The following LHX4 variants were observed in gnomAD, a reference collection of about 807,000 sequenced individuals.
LHX4 encodes the protein LIM homeobox 4, also known as LIM/homeobox protein Lhx4.
LHX4 carries 16 observed loss-of-function variants against 39.2 expected under a neutral mutation model. The ratio of observed to expected loss-of-function variants is 0.41; its 90% CI spans 0.28 to 0.62. The LOEUF (loss-of-function observed/expected upper bound fraction) is 0.62. Among genes scored for constraint, LHX4 ranks in the 20% least tolerant of loss-of-function variants. The pLI, the probability that LHX4 is intolerant of heterozygous loss-of-function variation, is 0.33. For synonymous variants in LHX4, 206 were observed against 198.1 expected (o/e 1.04, Z -0.33); for missense variants, 439 against 511.9 (o/e 0.86, Z 1.37).
At position 180,266,874 on chromosome 1, in the gene LHX4, G is replaced by C. The variant is rs1161207943; in HGVS notation, c.451+280G>C. Among the ~76,000 whole-genome samples, 1 of 152,240 alleles carries C rather than the reference G, an allele frequency of 6.6e-6. No individual in the cohort carries two copies. Among genetic ancestry groups the C allele is most frequent in the Non-Finnish European group, 1.5e-5 (1 of 68,044 alleles). The stretch of plus-strand genomic sequence containing the variant: ...TAGGCTCAGAAGCAGCCAAGAACCT[G>C]GTTGTTACCATGGTGGTGGCCTCCT... On this transcript the variant is annotated intron_variant, in intron 3 of 5. Coordinates refer to ENST00000263726, the MANE Select transcript of LHX4 (RefSeq NM_033343.4). The surrounding 1 kb of genome is among the most constrained non-coding windows in gnomAD (Gnocchi z 5.7).
intron 1 of LHX4, among the ~76,000 whole-genome samples, chr1:180,239,174 T>C (rs1256228653): frequency 2.6e-5 from 4 of 152,260 alleles, no homozygotes; most frequent in Admixed American, 2.6e-4. Context: ...GCTTGGTATA[T>C]CCTGTAGCTT....
chr1:180,273,277 C>G (rs1003024062), intron 5 of LHX4: 2 of 152,424 alleles, frequency 1.3e-5, no homozygotes, highest in East Asian at 3.9e-4. Context: ...TAGAGGGCAG[C>G]CTCCTCTGAG....
intron 2 of LHX4, among the ~76,000 whole-genome samples, chr1:180,250,656 G>T (rs922290564): frequency 2.6e-5 from 4 of 152,184 alleles, no homozygotes; most frequent in African/African-American, 9.6e-5. Context: ...GCCTGGCAGG[G>T]CCACTGACCC....
At chr1:180,229,959 C>CGGAGGCGGGG (rs1238306398), upstream of LHX4, among the ~76,000 whole-genome samples, 5,198 of 22,476 alleles carry the variant, frequency 0.23, 1,012 homozygotes, top group African/African-American at 0.4. Flanking sequence ...GAGGCGGAGG[C>CGGAGGCGGGG]GGGGAGGGGG....
Position 180,266,294 on chromosome 1 carries a change from C to T in LHX4, c.249-98C>T, listed in dbSNP as rs1423274091. The stretch of plus-strand genomic sequence containing the variant: ...CTGGGGGGTGAGGCTCATGGAGTCC[C>T]GGAGTGGTGGGGTAGGAGGGAGGCT... On this transcript the variant is annotated intron_variant, in intron 2 of 5. Transcript: ENST00000263726. This position sits in a 1 kb window ranked among gnomAD's most constrained non-coding sequence, Gnocchi z 5.7. The T allele has an allele frequency of 2.4e-5, 28 of 1,174,948 alleles. No homozygotes were observed. The highest frequency in any genetic ancestry group is 6.2e-5 in the South Asian group (5 of 81,200). The allele number at this position is 1,174,948 out of a possible 1,614,324, so 72.8% of individuals were successfully genotyped here. A position where few individuals can be genotyped will look rare whatever the true frequency, so the allele number is the denominator to read the frequency against.
At chr1:180,255,082 G>A (rs1647788573) in intron 2 of LHX4, among the ~76,000 whole-genome samples, 1 of 152,230 alleles carries the variant, frequency 6.6e-6, no homozygotes, top group Non-Finnish European at 1.5e-5. Flanking sequence ...AGAGCTGTGG[G>A]CAGGAACCGC....
intron 2 of LHX4, among the ~76,000 whole-genome samples, chr1:180,256,864 G>A (rs1463496669): frequency 6.6e-6 from 1 of 152,234 alleles, no homozygotes; most frequent in African/African-American, 2.4e-5. Context: ...GTAAGGGAGA[G>A]GAGGGAGGGT....
intron 1 of LHX4, among the ~76,000 whole-genome samples, chr1:180,239,148 A>G (rs1664393337): frequency 6.6e-6 from 1 of 152,270 alleles, no homozygotes; most frequent in African/African-American, 2.4e-5. Flanking sequence ...GTATGTGTTT[A>G]GGCAGGTGTG....
chr1:180,274,053 C>T, intron 5 of LHX4, 132 bp from the exon 6 acceptor site: 1 of 1,131,018 alleles, frequency 8.8e-7, no homozygotes, highest in Admixed American at 1.8e-5. Context: ...GTGTGTCTGA[C>T]CCATGCTTGG....
At chr1:180,248,513 G>A in intron 2 of LHX4, 57 bp downstream of exon 2, 1 of 1,594,572 alleles carries the variant, frequency 6.3e-7, no homozygotes. Context: ...TCCCCAAGCA[G>A]TGAGGGGGAA....
intron 1 of LHX4, among the ~76,000 whole-genome samples, chr1:180,245,844 G>A (rs1420041822): frequency 6.6e-6 from 1 of 152,162 alleles, no homozygotes; most frequent in Non-Finnish European, 1.5e-5. Flanking sequence ...AGGCAGCTGA[G>A]CTCCAGAATC....
chr1:180,263,234 G>A (rs746290895), intron 2 of LHX4, among the ~76,000 whole-genome samples: 7 of 152,160 alleles, frequency 4.6e-5, no homozygotes, highest in East Asian at 1.9e-4. Flanking sequence ...GTTTTACCTC[G>A]TGTGGGGCCA....
In LHX4 at chr1:180,266,763, G is replaced by C. The variant is rs556924279; in HGVS notation, c.451+169G>C. ...GATCTCCACACTGAGAGTAAATGCT[G>C]AACACCTCCCCGGCCGTTAGCACTC... On this transcript the variant is annotated intron_variant, in intron 3 of 5. Transcript: ENST00000263726. This position sits in a 1 kb window ranked among gnomAD's most constrained non-coding sequence, Gnocchi z 5.7. 6.6e-6 allele frequency among the ~76,000 whole-genome samples: 1 copy of C among 152,290 alleles called. No individual in the cohort carries two copies. The highest frequency in any genetic ancestry group is 2.4e-5 in the African/African-American group (1 of 41,548).
chr1:180,254,135 A>G (rs1647745064), intron 2 of LHX4, among the ~76,000 whole-genome samples: 1 of 152,064 alleles, frequency 6.6e-6, no homozygotes, highest in Admixed American at 6.5e-5. Flanking sequence ...GGGGCTCCAT[A>G]TTTCCATCTG....
At chr1:180,254,490 C>T (rs1034576523) in intron 2 of LHX4, among the ~76,000 whole-genome samples, 3 of 152,254 alleles carry the variant, frequency 2.0e-5, no homozygotes, top group African/African-American at 7.2e-5. Flanking sequence ...TTTATCTCCG[C>T]AGTCCAGAAC....
At chr1:180,240,549 G>T (rs1664423038) in intron 1 of LHX4, among the ~76,000 whole-genome samples, 1 of 152,072 alleles carries the variant, frequency 6.6e-6, no homozygotes, top group Non-Finnish European at 1.5e-5. Context: ...CGTGACGAAA[G>T]GGATAGAAAA....
chr1:180,251,744 C>T (rs1182191113), intron 2 of LHX4, among the ~76,000 whole-genome samples: 1 of 152,258 alleles, frequency 6.6e-6, no homozygotes, highest in African/African-American at 2.4e-5. Flanking sequence ...GCCACGGTCA[C>T]TTCCCTTGTT....
chr1:180,248,456 A>G lies in LHX4; in HGVS notation c.248A>G (p.Lys83Arg), dbSNP rs1442380849. 3 of 1,613,994 alleles carry G rather than the reference A, an allele frequency of 1.9e-6. No individual in the cohort carries two copies. Among genetic ancestry groups the G allele is most frequent in the Non-Finnish European group, 2.5e-6 (3 of 1,180,036 alleles). Residue 83 changes from lysine (K) to arginine (R), a missense_variant and splice_region_variant, in exon 2 of 6, where the codon AAG (lysine) becomes AGG (arginine). By Grantham distance (26) the Lys-to-Arg change is conservative. Coordinates refer to ENST00000263726, the MANE Select transcript of LHX4 (RefSeq NM_033343.4). ...GSVYCKEDFFKRFGTKCTACQ... is the reference protein window; with the variant it reads ...GSVYCKEDFFRRFGTKCTACQ... ...GTCTACTGCAAGGAGGACTTCTTCAAGTAAGTCAGAACGGTCCGTCTCGTG... is the reference window on the plus strand; with the variant it reads ...GTCTACTGCAAGGAGGACTTCTTCAGGTAAGTCAGAACGGTCCGTCTCGTG...
chr1:180,257,630 T>C (rs899844168), intron 2 of LHX4, among the ~76,000 whole-genome samples: 8 of 152,248 alleles, frequency 5.3e-5, no homozygotes, highest in African/African-American at 1.9e-4. Flanking sequence ...GCAACTTTCC[T>C]GTCAAGTGTG....
Sources: gnomAD v4.1 joint callset for allele counts (sites outside exome capture counted in the v4.1 genomes callset) on GRCh38, gnomAD v4.1.1 for gene constraint, Gnocchi (gnomAD v3.1) non-coding constraint, MANE v1.5 for transcripts, NCBI Gene and HGNC (gene_info 2026-07-23, HGNC 2026-07-21) for gene names.